Variants in SLC44A5 observed in about 807,000 individuals in gnomAD.
SLC44A5 encodes the protein choline transporter-like protein 5.
Under a neutral mutation model 101.8 loss-of-function variants are expected in SLC44A5, and 57 were observed. The ratio of observed to expected loss-of-function variants is 0.56; its 90% CI spans 0.45 to 0.70. The LOEUF (loss-of-function observed/expected upper bound fraction) is 0.70. Ranked by LOEUF, SLC44A5 falls within the 30% of genes least tolerant of loss-of-function variation. SLC44A5 has a pLI of 0.00. For missense variants in SLC44A5, 737 were observed against 853.1 expected, an observed-to-expected ratio of 0.86 and a Z score of 1.70; for synonymous variants, 281 against 290.9, an observed-to-expected ratio of 0.97 and a Z score of 0.35.
At chr1:75,310,337 C>T (rs1414448281) in intron 4 of SLC44A5, among the ~76,000 whole-genome samples, 1 of 152,138 alleles carries the variant, frequency 6.6e-6, no homozygotes, top group African/African-American at 2.4e-5. Context: ...AGACATTTGT[C>T]TTCATGTTTA....
At chr1:75,232,009 A>G (rs1264084627) in intron 12 of SLC44A5, among the ~76,000 whole-genome samples, 1 of 152,146 alleles carries the variant, frequency 6.6e-6, no homozygotes, top group Non-Finnish European at 1.5e-5. Flanking sequence ...TTGGTTTCTC[A>G]TGATATGTAG....
chr1:75,596,202 GCACACACACACA>G, intron 1 of SLC44A5, among the ~76,000 whole-genome samples: 1 of 141,064 alleles, frequency 7.1e-6, no homozygotes, highest in African/African-American at 2.6e-5. Context: ...GTAGACACAT[GCACACACACACA>G]CACACACACA....
intron 1 of SLC44A5, among the ~76,000 whole-genome samples, chr1:75,548,983 C>T (rs2101974462): frequency 6.6e-6 from 1 of 152,264 alleles, no homozygotes; most frequent in South Asian, 2.1e-4. Flanking sequence ...TATCTTCCAT[C>T]TTTCCTATCC....
intron 2 of SLC44A5, among the ~76,000 whole-genome samples, chr1:75,473,108 T>A (rs1278958311): frequency 1.3e-5 from 2 of 152,232 alleles, no homozygotes; most frequent in African/African-American, 4.8e-5. Context: ...TTTTAGAATG[T>A]CATCGGAACT....
At chr1:75,296,972 G>A (rs1277207447) in intron 5 of SLC44A5, among the ~76,000 whole-genome samples, 4 of 152,130 alleles carry the variant, frequency 2.6e-5, no homozygotes, top group Non-Finnish European at 5.9e-5. Context: ...ACCCAACTGG[G>A]CTGATAGTGG....
rs1003197324 is a variant in SLC44A5, at chr1:75,441,167, T to C, written c.14-44546A>G. ...AAGCTTACAAGGATAACTGGAACAA[T>C]AGAAATAGTGCATGACTTTCAAACC... On this transcript the variant is annotated intron_variant, in intron 2 of 23. Coordinates refer to ENST00000370859, the MANE Select transcript of SLC44A5 (RefSeq NM_001130058.2). Among the ~76,000 whole-genome samples the C allele has an allele frequency of 3.9e-5, 6 of 152,138 alleles. No individual in the cohort carries two copies. In the East Asian group the frequency reaches 5.8e-4, roughly 15 times the overall value.
intron 2 of SLC44A5, among the ~76,000 whole-genome samples, chr1:75,425,446 T>C (rs1457461423): frequency 6.6e-6 from 1 of 152,212 alleles, no homozygotes; most frequent in African/African-American, 2.4e-5. Flanking sequence ...CCGAAGTCTG[T>C]AAACTTGCAG....
the SLC44A5 span, among the ~76,000 whole-genome samples, chr1:75,656,319 A>T: frequency 6.6e-6 from 1 of 152,234 alleles, no homozygotes; most frequent in African/African-American, 2.4e-5. Flanking sequence ...ATCTGAAGGC[A>T]TAAAATTCGC....
At chr1:75,630,594 CTAT>C in the SLC44A5 span, among the ~76,000 whole-genome samples, 14 of 151,262 alleles carry the variant, frequency 9.3e-5, no homozygotes, top group East Asian at 1.2e-3. Context: ...CCTTTTTTCA[CTAT>C]TATTATTATT....
chr1:75,643,817 C>G, the SLC44A5 span, among the ~76,000 whole-genome samples: 2 of 152,226 alleles, frequency 1.3e-5, no homozygotes, highest in Non-Finnish European at 2.9e-5. Context: ...CATTAAACCT[C>G]TTTTCTTTAT....
intron 23 of SLC44A5, 60 bp from the exon 24 acceptor site, chr1:75,203,893 G>A: frequency 2.0e-6 from 3 of 1,479,458 alleles, no homozygotes; most frequent in Non-Finnish European, 1.8e-6. Context: ...AAGTAACACC[G>A]CCATCTGCTG....
At chr1:75,652,346 C>T in the SLC44A5 span, among the ~76,000 whole-genome samples, 7 of 152,182 alleles carry the variant, frequency 4.6e-5, no homozygotes, top group South Asian at 2.1e-4. Context: ...CATAAACTTT[C>T]GCTTCTGCTC....
At chr1:75,390,017 T>G (rs1009978768) in intron 3 of SLC44A5, among the ~76,000 whole-genome samples, 1 of 151,780 alleles carries the variant, frequency 6.6e-6, no homozygotes, top group Admixed American at 6.6e-5. Context: ...ATACAAAAGA[T>G]CCTCAGAGAC....
intron 2 of SLC44A5, chr1:75,402,399 G>C: frequency 2.7e-6 from 1 of 376,322 alleles, no homozygotes; most frequent in Non-Finnish European, 5.5e-6. Flanking sequence ...TGGCTGGCAA[G>C]ATGGCCAAAT....
chr1:75,261,551 C>T (rs1454249666), intron 6 of SLC44A5, among the ~76,000 whole-genome samples: 1 of 152,008 alleles, frequency 6.6e-6, no homozygotes. Flanking sequence ...AAGAAAAGTC[C>T]AGGACCAGAT....
the SLC44A5 span, among the ~76,000 whole-genome samples, chr1:75,633,582 C>T: frequency 1.3e-5 from 2 of 152,122 alleles, no homozygotes; most frequent in African/African-American, 2.4e-5. Context: ...TATCCTGAGA[C>T]TTTGCTGAAG....
chr1:75,298,288 T>TAA (rs202236384), intron 5 of SLC44A5, among the ~76,000 whole-genome samples: 2 of 151,992 alleles, frequency 1.3e-5, no homozygotes, highest in African/African-American at 4.8e-5. Flanking sequence ...GTTCAGGGAT[T>TAA]AAAAAAAAGG....
At chr1:75,320,578 T>C (rs1303035153) in intron 4 of SLC44A5, among the ~76,000 whole-genome samples, 1 of 152,182 alleles carries the variant, frequency 6.6e-6, no homozygotes, top group African/African-American at 2.4e-5. Flanking sequence ...TCTATATGCC[T>C]AAGGATATAA....
At chr1:75,385,851 T>G (rs1340388871) in intron 3 of SLC44A5, among the ~76,000 whole-genome samples, 1 of 152,030 alleles carries the variant, frequency 6.6e-6, no homozygotes, top group Non-Finnish European at 1.5e-5. Flanking sequence ...ATCCAAAAGC[T>G]TATCCACCAT....
Sources: gnomAD v4.1 joint callset for allele counts (sites outside exome capture counted in the v4.1 genomes callset) on GRCh38, gnomAD v4.1.1 for gene constraint, MANE v1.5 for transcripts, NCBI Gene and HGNC (gene_info 2026-07-23, HGNC 2026-07-21) for gene names.